Variants in MYL3 observed in about 807,000 individuals in gnomAD.
MYL3 encodes the protein CMLC1.
A neutral mutation model predicts 21.3 loss-of-function variants in MYL3; 11 were observed. The ratio of observed to expected loss-of-function variants is 0.52; its 90% CI spans 0.32 to 0.85. MYL3 has a LOEUF of 0.85. MYL3 is among the 40% of genes least tolerant of loss of function. The pLI, the probability that MYL3 is intolerant of heterozygous loss-of-function variation, is 0.03. For synonymous variants in MYL3, 88 were observed against 91.6 expected (o/e 0.96, Z 0.22); for missense variants, 206 against 253.3 (o/e 0.81, Z 1.27).
intron 1 of MYL3, among the ~76,000 whole-genome samples, chr3:46,869,684 G>A (rs958596735): frequency 3.9e-5 from 6 of 152,212 alleles, no homozygotes; most frequent in African/African-American, 1.2e-4. Flanking sequence ...CTGCGTGGGC[G>A]TGAGCATGTC....
At chr3:46,875,426 T>A (rs1387806799) in intron 1 of MYL3, among the ~76,000 whole-genome samples, 5 of 152,148 alleles carry the variant, frequency 3.3e-5, no homozygotes, top group African/African-American at 1.2e-4. Context: ...GTATGCAGCC[T>A]CAGCAAGGAC....
chr3:46,870,263 G>T (rs985470150), intron 1 of MYL3, among the ~76,000 whole-genome samples: 2 of 152,088 alleles, frequency 1.3e-5, no homozygotes, highest in African/African-American at 4.8e-5. Flanking sequence ...CAAGAAGTGG[G>T]CACCAGACCA....
In MYL3 at chr3:46,877,207, A is replaced by C. The variant is rs1293590849; in HGVS notation, c.-218+4867T>G. On this transcript the variant is annotated intron_variant, in intron 1 of 3. Transcript: ENST00000431168. ...CTGGAGTGGAATGACGGCCCCCTCC[A>C]TCTCTTCCGTCTAGGAGCCACTGGG... Among the ~76,000 whole-genome samples the C allele has an allele frequency of 2.6e-5, 4 of 152,024 alleles. No individual in the cohort carries two copies. The East Asian group carries it at 7.8e-4, about 29-fold the overall frequency.
chr3:46,865,276 G>A (rs186010421), upstream of MYL3, among the ~76,000 whole-genome samples: 127 of 151,896 alleles, frequency 8.4e-4, no homozygotes, highest in African/African-American at 2.9e-3. This position sits in a 1 kb window ranked among gnomAD's most constrained non-coding sequence, Gnocchi z 4.3. Flanking sequence ...CGGGACTGGC[G>A]GGGGGGCAAG....
At position 46,859,533 on chromosome 3, in the gene MYL3, G is replaced by A. The variant is rs1264872376; in HGVS notation, c.423C>T (p.Asp141=). 1 of 1,614,200 alleles carries A rather than the reference G, an allele frequency of 6.2e-7. No individual in the cohort carries two copies. ...EDFVEGLRVF[D]KEGNGTVMGA... ...CCATGACAGTGCCATTGCCCTCCTT[G>A]TCGAAGACCCGCAGCCCCTCCACGA... The change falls in exon 4 of 7, where the codon GAC becomes GAT. Residue 141 remains aspartate (D), a synonymous_variant. Coordinates refer to ENST00000292327, the MANE Select transcript of MYL3 (RefSeq NM_000258.3). This position sits in a 1 kb window ranked among gnomAD's most constrained non-coding sequence, Gnocchi z 4.1.
At chr3:46,865,557 G>GAGGACATAT (rs1448962535), upstream of MYL3, among the ~76,000 whole-genome samples, 2 of 152,214 alleles carry the variant, frequency 1.3e-5, no homozygotes, top group Non-Finnish European at 2.9e-5. The surrounding 1 kb of genome is among the most constrained non-coding windows in gnomAD (Gnocchi z 4.3). Context: ...GGCCAGAGCA[G>GAGGACATAT]AGGACATATA....
Position 46,863,380 on chromosome 3 carries a change from T to C in MYL3, c.11A>G (p.Lys4Arg), listed in dbSNP as rs727503301. The C allele has an allele frequency of 1.9e-6, 3 of 1,613,292 alleles. No homozygotes were observed. The highest frequency in any genetic ancestry group is 2.5e-6 in the Non-Finnish European group (3 of 1,179,946). The change falls in exon 1 of 7, where the codon AAA (lysine) becomes AGA (arginine). Residue 4 changes from lysine to arginine, a missense_variant. Coordinates refer to ENST00000292327, the MANE Select transcript of MYL3 (RefSeq NM_000258.3). ...ATCATCCTTCTTGGGCTCTGGCTTT[T>C]TGGGGGCCATTGGGGGCTGTAAGTA... MAP[K>R]KPEPKKDDAK... is the part of the protein sequence containing the mutation.
Position 46,860,128 on chromosome 3 carries a change from CATTT to C in MYL3, c.308-484_308-481del, listed in dbSNP as rs774455995. Among the ~76,000 whole-genome samples, 1 of 150,004 alleles carries C rather than the reference CATTT, an allele frequency of 6.7e-6. No homozygotes were observed. Among genetic ancestry groups the C allele is most frequent in the African/African-American group, 2.5e-5 (1 of 40,718 alleles). On this transcript the variant is annotated intron_variant, in intron 3 of 6. Transcript: ENST00000292327. The surrounding 1 kb of genome is among the most constrained non-coding windows in gnomAD (Gnocchi z 4.6). ...TTATTCATTTATGTATTTATTCATT[CATTT>C]ATTTATTTTTAGACACGAGGTCTTC...
upstream of MYL3, among the ~76,000 whole-genome samples, chr3:46,864,986 A>G (rs1455323315): frequency 6.6e-6 from 1 of 152,178 alleles, no homozygotes; most frequent in Non-Finnish European, 1.5e-5. This position sits in a 1 kb window ranked among gnomAD's most constrained non-coding sequence, Gnocchi z 4.7. Flanking sequence ...GCTCCTGGTT[A>G]CTTTTAAGTG....
chr3:46,879,485 G>A lies in MYL3; in HGVS notation c.-218+2589C>T, dbSNP rs1437643423. ...AGGCCAGGTGCGGTGGTTCATGCCT[G>A]TAATCCCAGCACTTTGGGAGGCCGA... On this transcript the variant is annotated intron_variant, in intron 1 of 3. Coordinates refer to the MYL3 transcript ENST00000431168. This position sits in a 1 kb window ranked among gnomAD's most constrained non-coding sequence, Gnocchi z 4.7. Among the ~76,000 whole-genome samples, 2 of 152,198 alleles carry A rather than the reference G, an allele frequency of 1.3e-5. No homozygotes were observed. The highest frequency in any genetic ancestry group is 2.9e-5 in the Non-Finnish European group (2 of 68,038).
intron 1 of MYL3, among the ~76,000 whole-genome samples, chr3:46,875,031 G>A (rs565902917): frequency 2.8e-4 from 43 of 152,292 alleles, no homozygotes; most frequent in Middle Eastern, 3.4e-3. Context: ...ACTCTAACCC[G>A]TCTGTGGCAG....
chr3:46,862,478 C>A (rs991652917), intron 1 of MYL3, among the ~76,000 whole-genome samples: 2 of 152,188 alleles, frequency 1.3e-5, no homozygotes, highest in African/African-American at 4.8e-5. Context: ...TCCTGCTGGG[C>A]ATGCAGGGAT....
upstream of MYL3, among the ~76,000 whole-genome samples, chr3:46,867,337 C>T (rs1019871619): frequency 2.0e-5 from 3 of 152,166 alleles, no homozygotes; most frequent in South Asian, 2.1e-4. Context: ...CAAGGGCTGA[C>T]GGATTTCCAG....
intron 1 of MYL3, among the ~76,000 whole-genome samples, chr3:46,873,188 G>A (rs898360943): frequency 1.3e-5 from 2 of 152,230 alleles, no homozygotes; most frequent in African/African-American, 2.4e-5. Context: ...AGAGAGGAGG[G>A]GGCCTTTGGA....
intron 4 of MYL3, 53 bp from the exon 5 acceptor site, chr3:46,858,514 G>T: frequency 1.3e-6 from 2 of 1,574,890 alleles, no homozygotes; most frequent in Non-Finnish European, 1.7e-6. Flanking sequence ...GCATGATGGG[G>T]TGGGGGCACC....
Position 46,879,451 on chromosome 3 carries a change from C to T in MYL3, c.-218+2623G>A, listed in dbSNP as rs1359359393. Among the ~76,000 whole-genome samples the T allele has an allele frequency of 1.3e-5, 2 of 152,146 alleles. No homozygotes were observed. Among genetic ancestry groups the T allele is most frequent in the Non-Finnish European group, 2.9e-5 (2 of 68,042 alleles). ...CATAAAACTTAGAGACACTTAGAAA[C>T]AGAGGCATAGGCCAGGTGCGGTGGT... On this transcript the variant is annotated intron_variant, in intron 1 of 3. Coordinates refer to the MYL3 transcript ENST00000431168. This position sits in a 1 kb window ranked among gnomAD's most constrained non-coding sequence, Gnocchi z 4.7.
chr3:46,863,008 C>A (rs1228141353), intron 1 of MYL3, among the ~76,000 whole-genome samples: 12 of 152,240 alleles, frequency 7.9e-5, no homozygotes, highest in African/African-American at 2.4e-4. Context: ...ACAGTCCAGA[C>A]TCAAACCCCA....
rs550580814 is a variant in MYL3 at position 46,859,025 on chromosome 3, A to T, written c.481+450T>A. On this transcript the variant is annotated intron_variant, in intron 4 of 6. Coordinates refer to ENST00000292327, the MANE Select transcript of MYL3 (RefSeq NM_000258.3). This position sits in a 1 kb window ranked among gnomAD's most constrained non-coding sequence, Gnocchi z 4.1. ...ACTCAAATGTTTGCTGCAGGAAAAA[A>T]TCACTTTGAAGAGGGACCCCCTGCT... 3.9e-5 allele frequency among the ~76,000 whole-genome samples: 6 copies of T among 152,220 alleles called. No homozygotes were observed. The highest frequency in any genetic ancestry group is 8.8e-5 in the Non-Finnish European group (6 of 67,994).
chr3:46,880,039 A>G (rs1484037148), intron 1 of MYL3, among the ~76,000 whole-genome samples: 1 of 152,210 alleles, frequency 6.6e-6, no homozygotes, highest in African/African-American at 2.4e-5. Context: ...CTCAAAAAAG[A>G]AAAGAAACAG....
Sources: gnomAD v4.1 joint callset for allele counts (sites outside exome capture counted in the v4.1 genomes callset) on GRCh38, gnomAD v4.1.1 for gene constraint, Gnocchi (gnomAD v3.1) non-coding constraint, MANE v1.5 for transcripts, NCBI Gene and HGNC (gene_info 2026-07-23, HGNC 2026-07-21) for gene names.